Variants in COPB1 observed in about 807,000 individuals in gnomAD.
COPB1 encodes the protein coatomer subunit beta.
In COPB1, 21 loss-of-function variants were observed where a neutral mutation model predicts 108.7. That is an observed-to-expected ratio of 0.19 (90% CI 0.14 to 0.28). COPB1 has a LOEUF of 0.28. COPB1 is among the 10% of genes least tolerant of loss of function. The pLI is 1.00. For missense variants in COPB1, 919 were observed against 1,141.3 expected, an observed-to-expected ratio of 0.81 and a Z score of 2.81; for synonymous variants, 378 against 386.8, an observed-to-expected ratio of 0.98 and a Z score of 0.27.
rs570373281 is a variant in COPB1, at chr11:14,463,386, C to T, written c.2410+1525G>A. On this transcript the variant is annotated intron_variant, in intron 18 of 21. Coordinates refer to ENST00000439561, the MANE Select transcript of COPB1 (RefSeq NM_001144061.2). ...AGGCTGGAGCGCAGTGGTGCGATCT[C>T]GGCTCACTGTAACCTCTGTCTCATG... Among the ~76,000 whole-genome samples, 5 of 152,306 alleles carry T rather than the reference C, an allele frequency of 3.3e-5. No homozygotes were observed. In the East Asian group the frequency reaches 5.8e-4, roughly 18 times the overall value.
intron 12 of COPB1, among the ~76,000 whole-genome samples, chr11:14,476,286 G>T (rs545782512): frequency 6.6e-6 from 1 of 152,148 alleles, no homozygotes; most frequent in Admixed American, 6.5e-5. Context: ...TCATTAAGTC[G>T]TATTCCTCTT....
chr11:14,488,451 C>T, intron 6 of COPB1, 41 bp downstream of exon 6: 1 of 1,294,380 alleles, frequency 7.7e-7, no homozygotes, highest in East Asian at 2.3e-5. Context: ...CTGTCTTAAA[C>T]TGCTGAGTTT....
rs774061544 is a variant in COPB1, at chr11:14,498,910, C to A, written c.19G>T (p.Val7Leu). The change falls in exon 2 of 22, where the codon GTA (valine) becomes TTA (leucine). Residue 7 changes from valine (V) to leucine (L), a missense_variant. Around this residue, in one of 5 missense-constraint regions of COPB1, gnomAD observed 92 missense variants for 108.4 expected, o/e 0.85. Coordinates refer to ENST00000439561, the MANE Select transcript of COPB1 (RefSeq NM_001144061.2). ...GGCACGTTAATTAACGTGTAGCATA[C>A]GTTCTCAGCCGCCGTCATGGTTTCT... MTAAEN[V>L]CYTLINVPMD... is the part of the protein sequence containing the mutation. 1.2e-6 allele frequency: 2 copies of A among 1,608,368 alleles called. No individual in the cohort carries two copies. The highest frequency in any genetic ancestry group is 3.4e-5 in the Admixed American group (2 of 59,154).
chr11:14,460,974 A>G (rs1041710574), intron 19 of COPB1, among the ~76,000 whole-genome samples: 2 of 152,224 alleles, frequency 1.3e-5, no homozygotes, highest in Non-Finnish European at 1.5e-5. Context: ...GATTGGCTAT[A>G]GAACTGCTAC....
At chr11:14,472,908 C>G (rs1006541790) in intron 14 of COPB1, among the ~76,000 whole-genome samples, 25 of 152,292 alleles carry the variant, frequency 1.6e-4, no homozygotes, top group Admixed American at 6.5e-5. Context: ...AATCTTGTGG[C>G]TGGTTTTATC....
rs191616933 is a variant in COPB1 at position 14,496,303 on chromosome 11, C to T, written c.92-1864G>A. Among the ~76,000 whole-genome samples, 742 of 151,824 alleles carry T rather than the reference C, an allele frequency of 4.9e-3. 5 individuals are homozygous for T. Among genetic ancestry groups the T allele is most frequent in the Admixed American group, 0.022 (340 of 15,244 alleles). On this transcript the variant is annotated intron_variant, in intron 2 of 21. Transcript: ENST00000439561. ...GACAGAATCACTCACAAAAAGGAGA[C>T]ACGGTATACATTTTTAAAATTCAGA...
rs540465321 is a variant in COPB1, at chr11:14,476,247, T to C, written c.1456-302A>G. Among the ~76,000 whole-genome samples the C allele has an allele frequency of 1.6e-3, 243 of 152,340 alleles. 2 individuals carry two copies. The highest frequency in any genetic ancestry group is 2.3e-3 in the Admixed American group (35 of 15,304). On this transcript the variant is annotated intron_variant, in intron 12 of 21. Coordinates refer to ENST00000439561, the MANE Select transcript of COPB1 (RefSeq NM_001144061.2). ...ACATTTTACCTAATAGAAAAATGCA[T>C]TGGACAGTGTCTAACACAAAGCAGA... is the stretch of plus-strand genomic sequence containing the variant.
intron 13 of COPB1, among the ~76,000 whole-genome samples, chr11:14,475,086 T>C (rs932771444): frequency 2.3e-5 from 2 of 88,752 alleles, no homozygotes; most frequent in African/African-American, 5.1e-5. Flanking sequence ...AGAGCAAGAC[T>C]CTGTGTCAAA....
intron 13 of COPB1, among the ~76,000 whole-genome samples, chr11:14,475,458 A>G (rs147519544): frequency 2.6e-4 from 40 of 152,342 alleles, no homozygotes; most frequent in African/African-American, 8.7e-4. Flanking sequence ...GAAATTGAAA[A>G]ATCTTCAAAA....
rs1226140318 is a variant in COPB1, at chr11:14,481,100, A to T, written c.958-3T>A. ...CTTAGGATATCCATAACCAGATCCT[A>T]AAAAAGAAGAAAAAATCAAGAATTA... is the stretch of plus-strand genomic sequence containing the variant. On this transcript the variant is annotated splice_region_variant and splice_polypyrimidine_tract_variant and intron_variant, in intron 8 of 21. Coordinates refer to ENST00000439561, the MANE Select transcript of COPB1 (RefSeq NM_001144061.2). 2 of 1,595,074 alleles carry T rather than the reference A, an allele frequency of 1.3e-6. No individual in the cohort carries two copies. The highest frequency in any genetic ancestry group is 1.7e-6 in the Non-Finnish European group (2 of 1,171,718).
chr11:14,485,881 G>T (rs755857747), intron 7 of COPB1, among the ~76,000 whole-genome samples: 4 of 152,008 alleles, frequency 2.6e-5, no homozygotes, highest in Non-Finnish European at 4.4e-5. Context: ...TATGTTAAAT[G>T]TATTATATAA....
intron 1 of COPB1, 91 bp from the exon 2 acceptor site, chr11:14,499,076 G>A (rs1589972460): frequency 1.6e-6 from 1 of 617,286 alleles, no homozygotes; most frequent in South Asian, 2.1e-5. Context: ...GTATTAGAAA[G>A]GGCAGGTCAA....
intron 14 of COPB1, among the ~76,000 whole-genome samples, chr11:14,469,828 C>T (rs140398823): frequency 1.1e-4 from 17 of 152,312 alleles, no homozygotes; most frequent in Middle Eastern, 6.8e-3. Context: ...TCTCTGTAAC[C>T]ACTTCATATG....
At chr11:14,473,682 C>T (rs1351957361) in intron 14 of COPB1, among the ~76,000 whole-genome samples, 1 of 151,894 alleles carries the variant, frequency 6.6e-6, no homozygotes, top group African/African-American at 2.4e-5. Context: ...TCACTGATAA[C>T]AGATCACCAT....
At chr11:14,471,260 G>C (rs1850396248) in intron 14 of COPB1, among the ~76,000 whole-genome samples, 1 of 152,076 alleles carries the variant, frequency 6.6e-6, no homozygotes, top group African/African-American at 2.4e-5. Context: ...ATAAATGAAG[G>C]AGTGCCAGTG....
intron 10 of COPB1, 55 bp from the exon 11 acceptor site, chr11:14,479,769 T>C: frequency 1.4e-6 from 2 of 1,441,172 alleles, no homozygotes; most frequent in South Asian, 2.6e-5. Context: ...AAAAGAAAAT[T>C]ATCTAGGACA....
intron 4 of COPB1, among the ~76,000 whole-genome samples, chr11:14,492,062 A>G (rs930403440): frequency 6.6e-6 from 1 of 152,224 alleles, no homozygotes; most frequent in South Asian, 2.1e-4. Flanking sequence ...ACCTCTTGCC[A>G]TATTATTTTG....
At chr11:14,474,472 A>G in intron 14 of COPB1, 23 bp downstream of exon 14, 1 of 1,608,076 alleles carries the variant, frequency 6.2e-7, no homozygotes, top group South Asian at 1.1e-5. Context: ...ATTGTTGGTT[A>G]AATGTAAAAT....
At chr11:14,496,585 C>T (rs567555562) in intron 2 of COPB1, among the ~76,000 whole-genome samples, 1 of 151,920 alleles carries the variant, frequency 6.6e-6, no homozygotes, top group Admixed American at 6.6e-5. Flanking sequence ...ATTCCATGAT[C>T]ATGGATTAGA....
Sources: gnomAD v4.1 joint callset for allele counts (sites outside exome capture counted in the v4.1 genomes callset) on GRCh38, gnomAD v4.1.1 for gene constraint, gnomAD v4.1.1 regional missense constraint, MANE v1.5 for transcripts, NCBI Gene and HGNC (gene_info 2026-07-23, HGNC 2026-07-21) for gene names.